The following BCAS3 variants were observed in gnomAD, a reference collection of about 807,000 sequenced individuals.
The protein encoded by BCAS3 is BCAS4/BCAS3 fusion.
BCAS3 carries 53 observed loss-of-function variants against 116.1 expected under a neutral mutation model. The observed-to-expected ratio is 0.46, with a 90% CI of 0.37 to 0.57. BCAS3 has a LOEUF of 0.57. BCAS3 is among the 20% of genes least tolerant of loss of function. The pLI is 0.00. For missense variants in BCAS3, 917 were observed against 1,165.4 expected, an observed-to-expected ratio of 0.79 and a Z score of 3.10; for synonymous variants, 391 against 408.2, an observed-to-expected ratio of 0.96 and a Z score of 0.51.
intron 22 of BCAS3, among the ~76,000 whole-genome samples, chr17:61,127,089 C>T (rs1428498574): frequency 6.6e-6 from 1 of 152,114 alleles, no homozygotes; most frequent in Non-Finnish European, 1.5e-5. Context: ...GCATCTCTTC[C>T]ACTTCACTAC....
chr17:61,276,248 G>A lies in BCAS3; in HGVS notation c.2426-92079G>A, dbSNP rs1432320153. 6.6e-6 allele frequency among the ~76,000 whole-genome samples: 1 copy of A among 152,088 alleles called. No individual in the cohort carries two copies. The highest frequency in any genetic ancestry group is 2.1e-4 in the South Asian group (1 of 4,818). On this transcript the variant is annotated intron_variant, in intron 22 of 23. Transcript: ENST00000407086. This position sits in a 1 kb window ranked among gnomAD's most constrained non-coding sequence, Gnocchi z 4.2. ...AGCACCTGTAATCCCAGCTACTTGG[G>A]AGAGTGAGGCAGGAGAATCGCTTGA...
At chr17:61,331,639 T>G (rs1209374401) in intron 22 of BCAS3, among the ~76,000 whole-genome samples, 3 of 152,202 alleles carry the variant, frequency 2.0e-5, no homozygotes, top group African/African-American at 7.2e-5. Flanking sequence ...TTTTTAAGTT[T>G]TTATTTTTAA....
Position 60,952,506 on chromosome 17 carries a change from G to A in BCAS3, c.1221+5154G>A, listed in dbSNP as rs191550996. 2.0e-4 allele frequency among the ~76,000 whole-genome samples: 30 copies of A among 151,986 alleles called. 1 individual carries two copies. The East Asian group carries it at 5.8e-3, about 30-fold the overall frequency. On this transcript the variant is annotated intron_variant, in intron 14 of 23. Coordinates refer to ENST00000407086, the MANE Select transcript of BCAS3 (RefSeq NM_017679.5). The stretch of plus-strand genomic sequence containing the variant: ...AGCTAATTTTTGTGTTTTTAGTAGA[G>A]ACGGGGTTTCACTATGTTGGTCAGG...
intron 22 of BCAS3, among the ~76,000 whole-genome samples, chr17:61,297,030 A>C (rs2144725825): frequency 6.6e-6 from 1 of 152,276 alleles, no homozygotes; most frequent in Non-Finnish European, 1.5e-5. Context: ...AAATTGATTG[A>C]AGTGGGGTGA....
chr17:61,176,145 A>G (rs1257955240), intron 22 of BCAS3, among the ~76,000 whole-genome samples: 1 of 149,716 alleles, frequency 6.7e-6, no homozygotes, highest in Non-Finnish European at 1.5e-5. Flanking sequence ...TCTCAAAAAA[A>G]AAAAAAAAAA....
intron 22 of BCAS3, among the ~76,000 whole-genome samples, chr17:61,360,010 C>CT (rs372435627): frequency 0.64 from 89,798 of 140,380 alleles, 29,998 homozygotes; most frequent in Non-Finnish European, 0.75. Context: ...CATAACTTTT[C>CT]TTTTTTTTTT....
In BCAS3 at chr17:60,960,201, C is replaced by T. The variant is rs2061346875; in HGVS notation, c.1221+12849C>T. ...CCATATGCTAAGTATTACCTCTTTT[C>T]CCTACCAACATCCCCAAAAGTCACA... is the stretch of plus-strand genomic sequence containing the variant. On this transcript the variant is annotated intron_variant, in intron 14 of 23. Transcript: ENST00000407086. This position sits in a 1 kb window ranked among gnomAD's most constrained non-coding sequence, Gnocchi z 4.1. Among the ~76,000 whole-genome samples, 1 of 152,156 alleles carries T rather than the reference C, an allele frequency of 6.6e-6. No individual in the cohort carries two copies. Among genetic ancestry groups the T allele is most frequent in the African/African-American group, 2.4e-5 (1 of 41,432 alleles).
intron 1 of BCAS3, among the ~76,000 whole-genome samples, chr17:60,678,396 C>G (rs1262987151): frequency 1.3e-5 from 2 of 152,092 alleles, no homozygotes; most frequent in East Asian, 3.9e-4. Flanking sequence ...GTTTTCGGTG[C>G]CTTCAAGATG....
chr17:61,013,235 G>C lies in BCAS3; in HGVS notation c.1487-2516G>C, dbSNP rs1037721292. ...CCTGTTTGTGCCTGTTAGACTGTAAGCTTCATGATAACAAGGAAAACAGTC... is the reference window on the plus strand; with the variant it reads ...CCTGTTTGTGCCTGTTAGACTGTAACCTTCATGATAACAAGGAAAACAGTC... On this transcript the variant is annotated intron_variant, in intron 15 of 23. Coordinates refer to ENST00000407086, the MANE Select transcript of BCAS3 (RefSeq NM_017679.5). The surrounding 1 kb of genome is among the most constrained non-coding windows in gnomAD (Gnocchi z 4.4). Among the ~76,000 whole-genome samples, 1 of 152,020 alleles carries C rather than the reference G, an allele frequency of 6.6e-6. No homozygotes were observed. Among genetic ancestry groups the C allele is most frequent in the Middle Eastern group, 3.2e-3 (1 of 316 alleles).
intron 5 of BCAS3, among the ~76,000 whole-genome samples, chr17:60,726,023 G>A (rs1285806787): frequency 6.6e-6 from 1 of 151,880 alleles, no homozygotes; most frequent in Non-Finnish European, 1.5e-5. Context: ...AGCCTCCCGA[G>A]TAGCTGGGAT....
At chr17:60,903,217 A>G (rs996179483) in intron 11 of BCAS3, among the ~76,000 whole-genome samples, 1 of 152,234 alleles carries the variant, frequency 6.6e-6, no homozygotes, top group Non-Finnish European at 1.5e-5. Flanking sequence ...TTCTAATAAT[A>G]GGAATGACAG....
At chr17:61,110,587 G>C (rs1271344748) in intron 22 of BCAS3, among the ~76,000 whole-genome samples, 1 of 152,220 alleles carries the variant, frequency 6.6e-6, no homozygotes, top group Non-Finnish European at 1.5e-5. Flanking sequence ...GGCTGGGAGG[G>C]TCCTACGCCC....
Position 61,313,902 on chromosome 17 carries a change from C to T in BCAS3, c.2426-54425C>T, listed in dbSNP as rs1051372476. Among the ~76,000 whole-genome samples, 27 of 152,312 alleles carry T rather than the reference C, an allele frequency of 1.8e-4. No individual in the cohort carries two copies. Among genetic ancestry groups the T allele is most frequent in the Middle Eastern group, 3.4e-3 (1 of 294 alleles). On this transcript the variant is annotated intron_variant, in intron 22 of 23. Coordinates refer to ENST00000407086, the MANE Select transcript of BCAS3 (RefSeq NM_017679.5). The surrounding 1 kb of genome is among the most constrained non-coding windows in gnomAD (Gnocchi z 4.3). ...TGCTGTCTCCTCCACCAGCCCCACT[C>T]GCCCGGCCCCATACTTAGTGCTGGC...
Position 60,990,322 on chromosome 17 carries a change from A to T in BCAS3, c.1486+87A>T. The stretch of plus-strand genomic sequence containing the variant: ...GATCTGGGATAAAACTAAACTTGTT[A>T]TAGTCTGTTCATGTAAAAAGAAGAT... On this transcript the variant is annotated intron_variant, in intron 15 of 23. Coordinates refer to ENST00000407086, the MANE Select transcript of BCAS3 (RefSeq NM_017679.5). The surrounding 1 kb of genome is among the most constrained non-coding windows in gnomAD (Gnocchi z 5.1). 1.4e-6 allele frequency: 2 copies of T among 1,398,386 alleles called. No homozygotes were observed. The highest frequency in any genetic ancestry group is 2.0e-6 in the Non-Finnish European group (2 of 1,020,444). The allele number at this position is 1,398,386 out of a possible 1,614,324, so 86.6% of individuals were successfully genotyped here. A position where few individuals can be genotyped will look rare whatever the true frequency, so the allele number is the denominator to read the frequency against.
In BCAS3 at chr17:61,044,465, A is replaced by AAAATAT; in HGVS notation, c.2029+3574_2029+3575insAATATA. 6.7e-5 allele frequency among the ~76,000 whole-genome samples: 8 copies of AAAATAT among 120,120 alleles called. 1 individual carries two copies. Among genetic ancestry groups the AAAATAT allele is most frequent in the African/African-American group, 3.5e-4 (7 of 20,054 alleles). The allele number at this position is 120,120 out of a possible 152,430, so 78.8% of individuals were successfully genotyped here. ...CTGTCTCAAAAAAAAAAAAAAAAAA[A>AAAATAT]ATATATATATATATGCCATAAGAAC... On this transcript the variant is annotated intron_variant, in intron 19 of 23. Coordinates refer to ENST00000407086, the MANE Select transcript of BCAS3 (RefSeq NM_017679.5).
intron 9 of BCAS3, among the ~76,000 whole-genome samples, chr17:60,884,706 G>C (rs1202662557): frequency 6.9e-6 from 1 of 145,232 alleles, no homozygotes; most frequent in Non-Finnish European, 1.5e-5. Flanking sequence ...TATGTACCCA[G>C]TAGTCATTCA....
chr17:61,038,771 C>T (rs1275780076), intron 18 of BCAS3, among the ~76,000 whole-genome samples: 1 of 149,568 alleles, frequency 6.7e-6, no homozygotes, highest in African/African-American at 2.4e-5. Context: ...CGTGTTCAAG[C>T]GGTTCTCCTG....
chr17:60,888,773 G>A (rs2056926317), intron 9 of BCAS3, among the ~76,000 whole-genome samples: 1 of 152,146 alleles, frequency 6.6e-6, no homozygotes, highest in Admixed American at 6.5e-5. Context: ...AATAAAATGA[G>A]AAAGCTTTTA....
intron 22 of BCAS3, among the ~76,000 whole-genome samples, chr17:61,216,813 A>C (rs972369908): frequency 1.3e-5 from 2 of 151,186 alleles, no homozygotes; most frequent in East Asian, 2.0e-4. Flanking sequence ...AAGTGCTGGG[A>C]TTACAGGCAT....
Sources: allele counts gnomAD v4.1 joint callset (sites outside exome capture counted in the v4.1 genomes callset), GRCh38; gene constraint gnomAD v4.1.1; non-coding constraint Gnocchi (gnomAD v3.1); transcripts MANE v1.5; gene names NCBI Gene and HGNC (gene_info 2026-07-23, HGNC 2026-07-21).